CNTN4: variants seen among roughly 807,000 people sequenced by gnomAD.
The protein encoded by CNTN4 is contactin 4, also known as contactin-4.
In CNTN4, 77 loss-of-function variants were observed where a neutral mutation model predicts 122.5. That is an observed-to-expected ratio of 0.63 (90% CI 0.52 to 0.76). The LOEUF is 0.76. Ranked by LOEUF, CNTN4 falls within the 30% of genes least tolerant of loss-of-function variation. The pLI, the probability that CNTN4 is intolerant of heterozygous loss-of-function variation, is 0.00. For synonymous variants in CNTN4, 512 were observed against 447.0 expected (o/e 1.15, Z -1.83); for missense variants, 1,256 against 1,259.1 (o/e 1.00, Z 0.04).
At chr3:2,134,185 C>T (rs1331424792) in intron 2 of CNTN4, among the ~76,000 whole-genome samples, 3 of 152,150 alleles carry the variant, frequency 2.0e-5, no homozygotes, top group Admixed American at 2.0e-4. Context: ...GTGCTTGCTG[C>T]AGTTTTAAGG....
rs941327350 is a variant in CNTN4 at position 2,698,793 on chromosome 3, G to A, written c.56-37422G>A. ...AACACTTTGGGAGGCCAAGGCGGGC[G>A]GATCACCTGAGGTCAGGAGTTCGAG... On this transcript the variant is annotated intron_variant, in intron 4 of 24. Transcript: ENST00000418658. Among the ~76,000 whole-genome samples the A allele has an allele frequency of 7.9e-5, 12 of 152,230 alleles. No homozygotes were observed. The South Asian group carries it at 1.7e-3, about 21-fold the overall frequency.
chr3:2,109,837 G>A (rs1011001156), intron 2 of CNTN4, among the ~76,000 whole-genome samples: 1 of 152,180 alleles, frequency 6.6e-6, no homozygotes, highest in African/African-American at 2.4e-5. Context: ...TTACAGATTA[G>A]TGAATTAATT....
intron 3 of CNTN4, among the ~76,000 whole-genome samples, chr3:2,569,123 T>C (rs1181808675): frequency 6.6e-6 from 1 of 152,212 alleles, no homozygotes; most frequent in African/African-American, 2.4e-5. Context: ...GCCAGCTTTC[T>C]GCCACATCAG....
chr3:2,271,851 A>C (rs900695472), intron 2 of CNTN4, among the ~76,000 whole-genome samples: 1 of 152,180 alleles, frequency 6.6e-6, no homozygotes, highest in Non-Finnish European at 1.5e-5. Context: ...TGTAATCCAG[A>C]ATCATGTTAT....
At chr3:3,043,844 G>A (rs748018728) in intron 23 of CNTN4, 140 bp downstream of exon 23, 24 of 699,968 alleles carry the variant, frequency 3.4e-5, no homozygotes, top group African/African-American at 5.3e-5. Context: ...CCTCCAACAC[G>A]GTTTGATCTG....
chr3:2,138,859 C>T (rs1358907586), intron 2 of CNTN4, among the ~76,000 whole-genome samples: 1 of 152,192 alleles, frequency 6.6e-6, no homozygotes, highest in African/African-American at 2.4e-5. Context: ...TCTTCTCTCT[C>T]TCTCTCTCTG....
chr3:2,182,075 T>C (rs2037041595), intron 2 of CNTN4, among the ~76,000 whole-genome samples: 1 of 152,162 alleles, frequency 6.6e-6, no homozygotes, highest in East Asian at 1.9e-4. Context: ...AATTTTATCA[T>C]AAATTACAAG....
intron 7 of CNTN4, among the ~76,000 whole-genome samples, chr3:2,822,175 C>A (rs752065412): frequency 2.4e-4 from 36 of 152,136 alleles, no homozygotes; most frequent in Non-Finnish European, 4.9e-4. Context: ...TGGGATTATT[C>A]TTCAGGATTT....
At chr3:2,772,442 AG>A (rs2091145765) in intron 6 of CNTN4, among the ~76,000 whole-genome samples, 1 of 151,710 alleles carries the variant, frequency 6.6e-6, no homozygotes. Flanking sequence ...AAGAAAAAAA[AG>A]ATCATAGAAT....
chr3:2,700,822 A>G (rs1299676035), intron 4 of CNTN4, among the ~76,000 whole-genome samples: 1 of 152,238 alleles, frequency 6.6e-6, no homozygotes, highest in African/African-American at 2.4e-5. Context: ...AACAGTTTCT[A>G]TCAGGGACTA....
intron 4 of CNTN4, among the ~76,000 whole-genome samples, chr3:2,701,701 G>A (rs2086369225): frequency 6.6e-6 from 1 of 152,050 alleles, no homozygotes; most frequent in Non-Finnish European, 1.5e-5. Flanking sequence ...GCTCAACAAG[G>A]TTAATGACTT....
At chr3:2,527,430 CTGCTGT>C (rs1164210948) in intron 3 of CNTN4, among the ~76,000 whole-genome samples, 125 of 151,614 alleles carry the variant, frequency 8.2e-4, no homozygotes, top group African/African-American at 2.8e-3. Context: ...GCTGCTGCTG[CTGCTGT>C]TGCTGTTATT....
Position 2,358,483 on chromosome 3 carries a change from C to G in CNTN4, c.-89+19250C>G, listed in dbSNP as rs72994049. ...TTACTTACCTCTGGCATCTAGAATG[C>G]TCTTGGTGACTGGAATAAGTTTTAA... On this transcript the variant is annotated intron_variant, in intron 3 of 24. Transcript: ENST00000418658. Among the ~76,000 whole-genome samples, 254 of 151,594 alleles carry G rather than the reference C, an allele frequency of 1.7e-3. 3 individuals are homozygous for G. Among genetic ancestry groups the G allele is most frequent in the Admixed American group, 4.2e-3 (63 of 15,156 alleles).
At chr3:2,222,240 A>G (rs549743427) in intron 2 of CNTN4, among the ~76,000 whole-genome samples, 29 of 152,354 alleles carry the variant, frequency 1.9e-4, no homozygotes, top group African/African-American at 6.5e-4. Context: ...TACTGATGCT[A>G]CAAAATGGAT....
chr3:2,895,632 C>T (rs927596922), intron 10 of CNTN4, among the ~76,000 whole-genome samples: 1 of 152,172 alleles, frequency 6.6e-6, no homozygotes, highest in Non-Finnish European at 1.5e-5. Flanking sequence ...ATGAAGAAGC[C>T]ATAAATAAGA....
chr3:2,323,953 G>T (rs955997353), intron 2 of CNTN4, among the ~76,000 whole-genome samples: 6 of 152,110 alleles, frequency 3.9e-5, no homozygotes, highest in African/African-American at 1.4e-4. Flanking sequence ...CCCAACTAAG[G>T]TTATTCCTAG....
At chr3:2,485,468 A>G (rs2076129028) in intron 3 of CNTN4, among the ~76,000 whole-genome samples, 1 of 152,220 alleles carries the variant, frequency 6.6e-6, no homozygotes, top group African/African-American at 2.4e-5. Flanking sequence ...AGGTTTGTAA[A>G]TGCACCAATT....
At chr3:2,745,097 T>G (rs562893104) in intron 5 of CNTN4, among the ~76,000 whole-genome samples, 2 of 152,336 alleles carry the variant, frequency 1.3e-5, no homozygotes, top group South Asian at 4.1e-4. Flanking sequence ...CATCAGATAC[T>G]TAGCAATCTA....
intron 3 of CNTN4, among the ~76,000 whole-genome samples, chr3:2,519,169 C>T (rs1172547429): frequency 6.6e-6 from 1 of 152,120 alleles, no homozygotes; most frequent in Non-Finnish European, 1.5e-5. Context: ...TCGGCTTGCC[C>T]TCCTTGTACC....
Sources: allele counts gnomAD v4.1 joint callset (sites outside exome capture counted in the v4.1 genomes callset), GRCh38; gene constraint gnomAD v4.1.1; transcripts MANE v1.5; gene names NCBI Gene and HGNC (gene_info 2026-07-23, HGNC 2026-07-21).